Variants in ENDOV observed in about 807,000 individuals in gnomAD.
ENDOV encodes hEndoV.
A neutral mutation model predicts 39.4 loss-of-function variants in ENDOV; 37 were observed. The ratio of observed to expected loss-of-function variants is 0.94; its 90% confidence interval spans 0.72 to 1.23. The LOEUF (loss-of-function observed/expected upper bound fraction) is 1.23, where lower values mean the gene tolerates loss of function less well. Ranked by LOEUF, ENDOV falls within the 50% of genes most tolerant of loss-of-function variation. ENDOV has a pLI of 0.00. For synonymous variants in ENDOV, 186 were observed against 163.4 expected, an observed-to-expected ratio of 1.14 and a Z score of -1.05; for missense variants, 441 against 375.7, an observed-to-expected ratio of 1.17 and a Z score of -1.44.
At chr17:80,428,373 C>T (rs921605021) in intron 7 of ENDOV, 11 of 571,306 alleles carry the variant, frequency 1.9e-5, no homozygotes, top group Admixed American at 3.1e-5. Flanking sequence ...CTGCCCAGCT[C>T]GGTTTGAGAG....
intron 7 of ENDOV, 110 bp downstream of exon 7, chr17:80,425,730 G>A (rs117104858): frequency 0.015 from 22,172 of 1,484,616 alleles, 200 homozygotes; most frequent in Non-Finnish European, 0.017. Flanking sequence ...GTGACATGAG[G>A]ACGGGGGTTC....
At chr17:80,430,011 G>A (rs557403934) in intron 9 of ENDOV, 180 bp downstream of exon 9, 15 of 1,536,682 alleles carry the variant, frequency 9.8e-6, no homozygotes, top group Non-Finnish European at 1.2e-5. Flanking sequence ...GGTGGTCTAG[G>A]GACTTAGGGG....
At chr17:80,415,626 A>G in intron 1 of ENDOV, 24 bp from the exon 2 acceptor site, 1 of 1,608,244 alleles carries the variant, frequency 6.2e-7, no homozygotes, top group Non-Finnish European at 8.5e-7. Context: ...ACCCCGACCA[A>G]GTTTGACGCT....
At chr17:80,416,008 C>T in intron 2 of ENDOV, 187 bp downstream of exon 2, 3 of 632,102 alleles carry the variant, frequency 4.7e-6, no homozygotes, top group Non-Finnish European at 7.7e-6. Flanking sequence ...GAGGCTGAGG[C>T]GGGGGAATCA....
chr17:80,428,475 T>C, intron 7 of ENDOV, 121 bp from the exon 8 acceptor site: 1 of 939,378 alleles, frequency 1.1e-6, no homozygotes, highest in Non-Finnish European at 1.6e-6. Flanking sequence ...AAGAACTGGC[T>C]GTGACCTGTG....
intron 2 of ENDOV, chr17:80,420,071 A>C: frequency 4.3e-6 from 1 of 233,852 alleles, no homozygotes. Context: ...GCTGCTCTGG[A>C]ATATTCTCTC....
chr17:80,422,053 G>A, intron 3 of ENDOV, 91 bp downstream of exon 3: 10 of 1,564,874 alleles, frequency 6.4e-6, no homozygotes, highest in Non-Finnish European at 8.7e-6. Flanking sequence ...CACAGTGGCA[G>A]GGAGAGACTC....
At chr17:80,433,271 T>A (rs2083434439) in intron 9 of ENDOV, 1 of 516,866 alleles carries the variant, frequency 1.9e-6, no homozygotes, top group Non-Finnish European at 3.9e-6. Context: ...TGGGGGATAT[T>A]CCACCAGGTG....
chr17:80,428,865 C>G (rs1399689212), intron 8 of ENDOV, among the ~76,000 whole-genome samples: 1 of 152,166 alleles, frequency 6.6e-6, no homozygotes, highest in East Asian at 1.9e-4. Flanking sequence ...TGGGAACTCT[C>G]CAGAAACACC....
At chr17:80,430,642 C>T (rs780101348) in intron 9 of ENDOV, among the ~76,000 whole-genome samples, 2 of 152,176 alleles carry the variant, frequency 1.3e-5, no homozygotes, top group Admixed American at 6.5e-5. Context: ...GGGCCGAGGA[C>T]GGGGGCAGCA....
intron 9 of ENDOV, among the ~76,000 whole-genome samples, chr17:80,435,007 C>G (rs890524892): frequency 1.3e-5 from 2 of 152,146 alleles, no homozygotes; most frequent in Non-Finnish European, 2.9e-5. Flanking sequence ...TGGTGGTGAG[C>G]GCCTTCTCAT....
chr17:80,420,710 A>T (rs1200244514), intron 2 of ENDOV, among the ~76,000 whole-genome samples: 1 of 152,178 alleles, frequency 6.6e-6, no homozygotes, highest in Non-Finnish European at 1.5e-5. Flanking sequence ...ACTAAGGAAA[A>T]CACAAGGTTA....
At chr17:80,422,049 G>T in intron 3 of ENDOV, 87 bp downstream of exon 3, 1 of 1,569,868 alleles carries the variant, frequency 6.4e-7, no homozygotes. Context: ...CCACCACAGT[G>T]GCAGGGAGAG....
chr17:80,425,667 C>T (rs1568236335), intron 7 of ENDOV, 47 bp downstream of exon 7: 1 of 1,538,682 alleles, frequency 6.5e-7, no homozygotes, highest in South Asian at 1.2e-5. Flanking sequence ...TCCTCTGCTT[C>T]CTGCCACCTG....
At chr17:80,426,473 C>T (rs576357853) in intron 7 of ENDOV, among the ~76,000 whole-genome samples, 43 of 151,994 alleles carry the variant, frequency 2.8e-4, no homozygotes, top group Non-Finnish European at 5.7e-4. Flanking sequence ...ACATAGACCC[C>T]GTCTCTACAA....
At chr17:80,419,607 C>T (rs992097795) in intron 2 of ENDOV, 8 of 702,868 alleles carry the variant, frequency 1.1e-5, no homozygotes, top group Admixed American at 2.0e-5. Context: ...GGTAGCAAAA[C>T]AGAACGGATC....
At position 80,437,080 on chromosome 17, in the gene ENDOV, A is replaced by G. The variant is rs1216770389; in HGVS notation, c.*937A>G. The G allele has an allele frequency of 6.6e-6, 1 of 152,370 alleles. No homozygotes were observed. The highest frequency in any genetic ancestry group is 2.1e-4 in the South Asian group (1 of 4,806). 9.4% of individuals were successfully genotyped at this position (152,370 alleles called of 1,614,324 possible). On this transcript the variant is annotated 3_prime_UTR_variant, in exon 10 of 10. Transcript: ENST00000518137. ...GGTCTCTGAGAACGTCCCTGCCTTC[A>G]CTCCTGCTTTTAGTCACTGGCATCT...
At chr17:80,422,781 C>G (rs1377084363) in intron 4 of ENDOV, among the ~76,000 whole-genome samples, 5 of 152,160 alleles carry the variant, frequency 3.3e-5, no homozygotes, top group Admixed American at 1.3e-4. Flanking sequence ...CTCACTGCAA[C>G]CTCCGCCTCC....
chr17:80,420,166 G>T (rs1214774028), intron 2 of ENDOV: 1 of 158,442 alleles, frequency 6.3e-6, no homozygotes. Context: ...GGCCTGTCCT[G>T]AGAATGACAT....
Sources: allele counts gnomAD v4.1 joint callset (sites outside exome capture counted in the v4.1 genomes callset), GRCh38; gene constraint gnomAD v4.1.1; transcripts MANE v1.5; gene names NCBI Gene and HGNC (gene_info 2026-07-23, HGNC 2026-07-21).